The following NDRG1 variants were observed in gnomAD, a reference collection of about 807,000 sequenced individuals.
NDRG1 encodes N-myc downstream regulated 1.
NDRG1 carries 32 observed loss-of-function variants against 56.9 expected under a neutral mutation model. The ratio of observed to expected loss-of-function variants is 0.56; its 90% CI spans 0.42 to 0.76. The LOEUF (loss-of-function observed/expected upper bound fraction) is 0.76, where lower values mean the gene tolerates loss of function less well. Among genes scored for constraint, NDRG1 ranks in the 30% least tolerant of loss-of-function variants. The pLI is 0.00. For synonymous variants in NDRG1, 211 were observed against 204.1 expected, an observed-to-expected ratio of 1.03 and a Z score of -0.29; for missense variants, 507 against 545.7, an observed-to-expected ratio of 0.93 and a Z score of 0.71.
In NDRG1 at chr8:133,282,275, T is replaced by G. The variant is rs111854604; in HGVS notation, c.63+1974A>C. Among the ~76,000 whole-genome samples, 305 of 152,350 alleles carry G rather than the reference T, an allele frequency of 2.0e-3. 4 individuals are homozygous for G. Among genetic ancestry groups the G allele is most frequent in the Middle Eastern group, 0.017 (5 of 294 alleles). On this transcript the variant is annotated intron_variant, in intron 2 of 15. Coordinates refer to ENST00000323851, the MANE Select transcript of NDRG1 (RefSeq NM_006096.4). ...CTAGGGCTGTACCTGCACATGTATG[T>G]AATGACACACATGAAAGATACAAGG...
intron 3 of NDRG1, among the ~76,000 whole-genome samples, chr8:133,266,650 C>T (rs1359956310): frequency 1.3e-5 from 2 of 152,210 alleles, no homozygotes; most frequent in African/African-American, 4.8e-5. Flanking sequence ...CGCTGGTGAT[C>T]GGATTCCACC....
chr8:133,254,698 T>C, intron 8 of NDRG1, 103 bp from the exon 9 acceptor site: 1 of 1,149,498 alleles, frequency 8.7e-7, no homozygotes, highest in Non-Finnish European at 1.3e-6. Flanking sequence ...ATTGCTGGAC[T>C]CCCCCCTACA....
At chr8:133,251,531 A>G (rs905335859) in intron 9 of NDRG1, among the ~76,000 whole-genome samples, 12 of 152,238 alleles carry the variant, frequency 7.9e-5, no homozygotes, top group Non-Finnish European at 1.6e-4. Context: ...TTGGGGTATA[A>G]TCAGATCAGA....
At chr8:133,261,150 G>C (rs12677145) in intron 5 of NDRG1, among the ~76,000 whole-genome samples, 60,345 of 151,870 alleles carry the variant, frequency 0.4, 13,690 homozygotes, top group South Asian at 0.65. Context: ...CTGTCACCCA[G>C]GCTGGAGTGC....
chr8:133,260,221 C>T (rs1442495783), intron 5 of NDRG1, among the ~76,000 whole-genome samples: 2 of 152,172 alleles, frequency 1.3e-5, no homozygotes, highest in Non-Finnish European at 2.9e-5. Flanking sequence ...TCCAAGGTCC[C>T]TCCTGTGTAG....
At chr8:133,246,986 A>T (rs1855721832) in intron 12 of NDRG1, among the ~76,000 whole-genome samples, 1 of 152,246 alleles carries the variant, frequency 6.6e-6, no homozygotes, top group Non-Finnish European at 1.5e-5. Flanking sequence ...TACCTGCTAA[A>T]TAAATATCCT....
At chr8:133,245,479 A>G (rs1026974799) in intron 13 of NDRG1, among the ~76,000 whole-genome samples, 4 of 152,174 alleles carry the variant, frequency 2.6e-5, no homozygotes, top group Non-Finnish European at 4.4e-5. Context: ...TATTAAAAGA[A>G]GAAGGAAATT....
chr8:133,284,969 T>G, intron 1 of NDRG1: 1 of 403,268 alleles, frequency 2.5e-6, no homozygotes, highest in South Asian at 1.8e-5. Flanking sequence ...ACAGTACAAT[T>G]TTGTAAGAAA....
At chr8:133,253,992 C>A (rs1427664786) in intron 9 of NDRG1, among the ~76,000 whole-genome samples, 2 of 151,908 alleles carry the variant, frequency 1.3e-5, no homozygotes, top group Admixed American at 6.6e-5. Context: ...ATGAGCACTG[C>A]ACCCCGACTA....
rs988778486 is a variant in NDRG1 at position 133,238,503 on chromosome 8, A to G, written c.*375T>C. On this transcript the variant is annotated 3_prime_UTR_variant, in exon 16 of 16. Coordinates refer to ENST00000323851, the MANE Select transcript of NDRG1 (RefSeq NM_006096.4). ...GAAGTGGGCGGCTGGCCTTCTGACC[A>G]GGCACCCGTTTGAACCAGGATGCTC... The G allele has an allele frequency of 6.7e-6, 2 of 299,524 alleles. No individual in the cohort carries two copies. The highest frequency in any genetic ancestry group is 9.3e-5 in the Admixed American group (2 of 21,394). The allele number at this position is 299,524 out of a possible 1,614,324, so 18.6% of individuals were successfully genotyped here.
At chr8:133,266,755 C>T (rs941569237) in intron 3 of NDRG1, among the ~76,000 whole-genome samples, 3 of 152,302 alleles carry the variant, frequency 2.0e-5, no homozygotes, top group East Asian at 3.9e-4. Context: ...CCTTTGTCCC[C>T]GCAGGGACGA....
intron 13 of NDRG1, among the ~76,000 whole-genome samples, chr8:133,245,426 G>A (rs1855617246): frequency 6.6e-6 from 1 of 152,140 alleles, no homozygotes; most frequent in African/African-American, 2.4e-5. Flanking sequence ...TTAAGATGAG[G>A]TCATATTGGA....
intron 1 of NDRG1, chr8:133,296,540 G>A: frequency 2.2e-6 from 1 of 456,012 alleles, no homozygotes; most frequent in South Asian, 1.5e-5. Context: ...CGGGACTGAA[G>A]CGCCACCAGC....
intron 1 of NDRG1, among the ~76,000 whole-genome samples, chr8:133,294,658 C>G (rs554147558): frequency 3.6e-4 from 49 of 136,442 alleles, no homozygotes; most frequent in African/African-American, 1.5e-3. Context: ...CAGTTGAGAT[C>G]TGTCTTCTGT....
At chr8:133,280,656 G>A (rs886139213) in intron 2 of NDRG1, among the ~76,000 whole-genome samples, 4 of 151,924 alleles carry the variant, frequency 2.6e-5, no homozygotes, top group African/African-American at 9.7e-5. Flanking sequence ...GGATGGTCTC[G>A]ATTTCCTGAC....
In NDRG1 at chr8:133,248,718, A is replaced by G; in HGVS notation, c.752T>C (p.Leu251Pro). Residue 251 changes from leucine (L) to proline (P), a missense_variant, in exon 11 of 16, where the codon CTG (leucine) becomes CCG (proline). Leu to Pro is a moderately conservative substitution (Grantham distance 98, BLOSUM62 -3). Coordinates refer to ENST00000323851, the MANE Select transcript of NDRG1 (RefSeq NM_006096.4). ...GGGGGAGAGAAAAGCCACTCACTGCAGGGTGACTGTGTGGGTTCCCGGCAT... is the reference window on the plus strand; with the variant it reads ...GGGGGAGAGAAAAGCCACTCACTGCGGGGTGACTGTGTGGGTTCCCGGCAT... Reference protein sequence around the residue: ...RPMPGTHTVTLQCPALLVVGD... With the variant: ...RPMPGTHTVTPQCPALLVVGD... The G allele has an allele frequency of 6.2e-7, 1 of 1,614,228 alleles. No homozygotes were observed. The highest frequency in any genetic ancestry group is 1.3e-5 in the African/African-American group (1 of 75,070).
At chr8:133,243,044 G>GT (rs1564279832) in intron 14 of NDRG1, among the ~76,000 whole-genome samples, 1 of 152,202 alleles carries the variant, frequency 6.6e-6, no homozygotes, top group African/African-American at 2.4e-5. Flanking sequence ...CGTGCAAGGC[G>GT]TATCTGTTCT....
intron 7 of NDRG1, among the ~76,000 whole-genome samples, chr8:133,258,082 T>C (rs139618292): frequency 2.4e-3 from 366 of 152,222 alleles, no homozygotes; most frequent in Non-Finnish European, 3.9e-3. Flanking sequence ...AGCAGTGTCA[T>C]AGCAGAGTAC....
At chr8:133,242,608 C>T (rs923751531) in intron 14 of NDRG1, among the ~76,000 whole-genome samples, 5 of 152,078 alleles carry the variant, frequency 3.3e-5, no homozygotes, top group Admixed American at 1.3e-4. Flanking sequence ...AAACCTAAAA[C>T]ACTTGTTCTT....
Sources: gnomAD v4.1 joint callset for allele counts (sites outside exome capture counted in the v4.1 genomes callset) on GRCh38, gnomAD v4.1.1 for gene constraint, MANE v1.5 for transcripts, NCBI Gene and HGNC (gene_info 2026-07-23, HGNC 2026-07-21) for gene names.